Variants in PTPRT observed in about 807,000 individuals in gnomAD.
The protein encoded by PTPRT is protein tyrosine phosphatase receptor type T, also known as receptor-type tyrosine-protein phosphatase T.
In PTPRT, 56 loss-of-function variants were observed where a neutral mutation model predicts 176.8. The ratio of observed to expected loss-of-function variants is 0.32; its 90% confidence interval spans 0.26 to 0.40. The LOEUF (loss-of-function observed/expected upper bound fraction) is 0.40. Ranked by LOEUF, PTPRT falls within the 10% of genes least tolerant of loss-of-function variation. The pLI, the probability that PTPRT is intolerant of heterozygous loss-of-function variation, is 1.00. For synonymous variants in PTPRT, 783 were observed against 739.0 expected (o/e 1.06, Z -0.96); for missense variants, 1,540 against 1,908.2 (o/e 0.81, Z 3.60).
At chr20:42,348,782 G>A (rs146732328) in intron 11 of PTPRT, among the ~76,000 whole-genome samples, 2,407 of 152,238 alleles carry the variant, frequency 0.016, 25 homozygotes, top group Non-Finnish European at 0.024. Context: ...ATGTAGGCCT[G>A]CTTGATTTTT....
intron 19 of PTPRT, among the ~76,000 whole-genome samples, chr20:42,124,969 G>A (rs1030150951): frequency 2.6e-5 from 4 of 152,134 alleles, no homozygotes; most frequent in Non-Finnish European, 5.9e-5. Flanking sequence ...GAACTCAGAG[G>A]CCAGGAGGAG....
chr20:42,315,712 G>A lies in PTPRT; in HGVS notation c.2139+11C>T, dbSNP rs374586620. ...CAAGGCAAGGAATGGCCTCCATGTG[G>A]CCATACTTACTCCATTGGCTTTGCT... On this transcript the variant is annotated intron_variant, in intron 12 of 30. Coordinates refer to ENST00000373187, the MANE Select transcript of PTPRT (RefSeq NM_007050.6). 33 of 1,611,300 alleles carry A rather than the reference G, an allele frequency of 2.0e-5. No homozygotes were observed. Among genetic ancestry groups the A allele is most frequent in the Non-Finnish European group, 2.5e-5 (29 of 1,177,676 alleles).
At chr20:42,734,360 A>C (rs6016883) in intron 6 of PTPRT, among the ~76,000 whole-genome samples, 1 of 151,958 alleles carries the variant, frequency 6.6e-6, no homozygotes, top group Non-Finnish European at 1.5e-5. Flanking sequence ...CACCAGCAGG[A>C]ACCCAAGAGA....
intron 3 of PTPRT, among the ~76,000 whole-genome samples, 187 bp from the exon 4 acceptor site, chr20:42,780,486 A>G (rs2077199301): frequency 6.6e-6 from 1 of 152,176 alleles, no homozygotes; most frequent in African/African-American, 2.4e-5. Context: ...AAAAGGCCAC[A>G]CTTTGGTGGC....
intron 17 of PTPRT, among the ~76,000 whole-genome samples, chr20:42,149,132 CCAATA>C (rs1989011152): frequency 6.6e-6 from 1 of 152,146 alleles, no homozygotes; most frequent in Admixed American, 6.5e-5. Flanking sequence ...TGATCTCTGG[CCAATA>C]CATTTCAGCT....
chr20:42,236,497 G>T (rs896643102), intron 14 of PTPRT, among the ~76,000 whole-genome samples: 2 of 152,002 alleles, frequency 1.3e-5, no homozygotes, highest in Admixed American at 1.3e-4. Context: ...GAAACCCATG[G>T]TCTCACATAG....
chr20:42,669,944 C>G lies in PTPRT; in HGVS notation c.1153+7922G>C, dbSNP rs575374896. Among the ~76,000 whole-genome samples the G allele has an allele frequency of 4.6e-5, 7 of 152,252 alleles. No individual in the cohort carries two copies. In the South Asian group the frequency reaches 1.5e-3, roughly 32 times the overall value. On this transcript the variant is annotated intron_variant, in intron 7 of 30. Coordinates refer to ENST00000373187, the MANE Select transcript of PTPRT (RefSeq NM_007050.6). ...TCTCCCTCTTACCTGAGACTAGAGA[C>G]AATTATAAAAAGGACAATTCCCATC...
chr20:42,794,225 C>T (rs1433760117), intron 2 of PTPRT, among the ~76,000 whole-genome samples: 1 of 152,174 alleles, frequency 6.6e-6, no homozygotes, highest in Non-Finnish European at 1.5e-5. Flanking sequence ...TTGGTAGGGA[C>T]ATGCAACTGA....
chr20:42,872,201 T>C (rs2078857161), intron 2 of PTPRT, among the ~76,000 whole-genome samples: 1 of 152,248 alleles, frequency 6.6e-6, no homozygotes, highest in Non-Finnish European at 1.5e-5. Flanking sequence ...AGTATGATCG[T>C]GTCAGCACAG....
intron 2 of PTPRT, among the ~76,000 whole-genome samples, chr20:42,881,260 C>T (rs1354979033): frequency 6.6e-6 from 1 of 152,192 alleles, no homozygotes; most frequent in African/African-American, 2.4e-5. Context: ...ACCCTAGGGT[C>T]ACTCAGCTGT....
intron 8 of PTPRT, among the ~76,000 whole-genome samples, chr20:42,471,489 A>G (rs1373920614): frequency 6.6e-6 from 1 of 152,164 alleles, no homozygotes; most frequent in African/African-American, 2.4e-5. Context: ...TCCTGCTCCT[A>G]CTTCATCTTC....
chr20:42,766,862 A>G (rs903168546), intron 5 of PTPRT, among the ~76,000 whole-genome samples: 7 of 152,220 alleles, frequency 4.6e-5, no homozygotes, highest in African/African-American at 1.7e-4. Flanking sequence ...CTCAGAAGCT[A>G]CAGCAGGAAG....
At chr20:43,172,869 CTT>C (rs1156414727) in intron 1 of PTPRT, among the ~76,000 whole-genome samples, 36 of 117,494 alleles carry the variant, frequency 3.1e-4, no homozygotes, top group Admixed American at 4.6e-4. Context: ...AGTCTGCAGT[CTT>C]TTTTTTTTTT....
intron 3 of PTPRT, among the ~76,000 whole-genome samples, chr20:42,790,387 C>A (rs554031020): frequency 6.6e-6 from 1 of 151,584 alleles, no homozygotes; most frequent in South Asian, 2.1e-4. Flanking sequence ...ACTGTTGCAA[C>A]AATCTGTCAT....
intron 18 of PTPRT, among the ~76,000 whole-genome samples, chr20:42,137,615 C>T (rs964375378): frequency 2.6e-5 from 4 of 152,210 alleles, no homozygotes; most frequent in Non-Finnish European, 5.9e-5. Context: ...CACAGTCCAT[C>T]TCTGGGCTCT....
chr20:42,172,282 C>T (rs1391710917), intron 16 of PTPRT, among the ~76,000 whole-genome samples: 1 of 152,064 alleles, frequency 6.6e-6, no homozygotes, highest in Non-Finnish European at 1.5e-5. Flanking sequence ...AAAAAAACAG[C>T]AAAAGCTGGC....
chr20:42,551,681 T>C (rs537226616), intron 7 of PTPRT, among the ~76,000 whole-genome samples: 1 of 152,290 alleles, frequency 6.6e-6, no homozygotes, highest in East Asian at 1.9e-4. Flanking sequence ...TGACTTACGG[T>C]CTGCCCCTTG....
intron 1 of PTPRT, among the ~76,000 whole-genome samples, chr20:43,157,355 C>T (rs970846996): frequency 2.0e-5 from 3 of 152,102 alleles, no homozygotes; most frequent in Non-Finnish European, 4.4e-5. Flanking sequence ...CAGAGTGAGA[C>T]CGTGTCTCAA....
intron 7 of PTPRT, among the ~76,000 whole-genome samples, chr20:42,660,403 CG>C (rs1569062976): frequency 6.6e-6 from 1 of 152,102 alleles, no homozygotes; most frequent in East Asian, 1.9e-4. Context: ...ATTCCAGCAA[CG>C]GTGCTGGAAT....
Sources: gnomAD v4.1 joint callset for allele counts (sites outside exome capture counted in the v4.1 genomes callset) on GRCh38, gnomAD v4.1.1 for gene constraint, MANE v1.5 for transcripts, NCBI Gene and HGNC (gene_info 2026-07-23, HGNC 2026-07-21) for gene names.